The following FNIP2 variants were observed in gnomAD, a reference collection of about 807,000 sequenced individuals.
FNIP2 encodes folliculin-interacting protein 2.
In FNIP2, 32 loss-of-function variants were observed where a neutral mutation model predicts 108.7. That is an observed-to-expected ratio of 0.29 (90% confidence interval 0.22 to 0.40). The LOEUF (loss-of-function observed/expected upper bound fraction) is 0.40. Among genes scored for constraint, FNIP2 ranks in the 10% least tolerant of loss-of-function variants. The pLI is 1.00. For synonymous variants in FNIP2, 480 were observed against 496.7 expected, an observed-to-expected ratio of 0.97 and a Z score of 0.45; for missense variants, 1,202 against 1,381.6, an observed-to-expected ratio of 0.87 and a Z score of 2.06.
Position 158,868,977 on chromosome 4 carries a change from A to G in FNIP2, c.2341A>G (p.Asn781Asp), listed in dbSNP as rs1166532332. ...GFQENVCCPQNRLSEGDEGES... is the reference protein window; with the variant it reads ...GFQENVCCPQDRLSEGDEGES... The stretch of plus-strand genomic sequence containing the variant: ...TCAGGAGAATGTTTGCTGTCCTCAG[A>G]ATCGGCTTTCAGAGGGGGATGAAGG... The change falls in exon 13 of 17, where the codon AAT (asparagine) becomes GAT (aspartate). Residue 781 changes from asparagine to aspartate, a missense_variant. By Grantham distance (23) the Asn-to-Asp change is conservative (BLOSUM62 1). Around this residue, in one of 5 missense-constraint regions of FNIP2, gnomAD observed 878 missense variants for 990.3 expected, o/e 0.89. Coordinates refer to ENST00000264433, the MANE Select transcript of FNIP2 (RefSeq NM_020840.3). This position sits in a 1 kb window ranked among gnomAD's most constrained non-coding sequence, Gnocchi z 4.6. The G allele has an allele frequency of 6.2e-7, 1 of 1,613,890 alleles. No individual in the cohort carries two copies. The highest frequency in any genetic ancestry group is 8.5e-7 in the Non-Finnish European group (1 of 1,179,916).
intron 7 of FNIP2, among the ~76,000 whole-genome samples, chr4:158,847,832 C>T (rs1425985781): frequency 6.6e-6 from 1 of 152,132 alleles, no homozygotes; most frequent in East Asian, 1.9e-4. Context: ...AGCCCTTGGG[C>T]GTTAAGTGAA....
chr4:158,856,677 G>T (rs1446688493), intron 8 of FNIP2, among the ~76,000 whole-genome samples: 1 of 152,124 alleles, frequency 6.6e-6, no homozygotes, highest in East Asian at 1.9e-4. Context: ...TAGACTAGAA[G>T]ATAGGAATCC....
In FNIP2 at chr4:158,859,245, G is replaced by T; in HGVS notation, c.1046G>T (p.Ser349Ile). The change falls in exon 9 of 17, where the codon AGT becomes ATT. Residue 349 changes from serine to isoleucine, a missense_variant. By Grantham distance (142) the Ser-to-Ile change is moderately radical. Coordinates refer to ENST00000264433, the MANE Select transcript of FNIP2 (RefSeq NM_020840.3). ...LFESHMNRLK[S>I]AIEKAMISCR... ...GAATCTCACATGAACAGGCTGAAGA[G>T]TGCAATTGAAAAGGTAATAAGGATG... The T allele has an allele frequency of 1.2e-6, 2 of 1,607,174 alleles. No individual in the cohort carries two copies. The highest frequency in any genetic ancestry group is 1.7e-6 in the Non-Finnish European group (2 of 1,176,128).
chr4:158,770,421 A>G (rs1413505843), intron 1 of FNIP2, among the ~76,000 whole-genome samples: 1 of 152,224 alleles, frequency 6.6e-6, no homozygotes, highest in Non-Finnish European at 1.5e-5. Flanking sequence ...TAGACCCAGT[A>G]TAATAAACCT....
intron 1 of FNIP2, among the ~76,000 whole-genome samples, chr4:158,819,126 T>C (rs769943597): frequency 9.9e-5 from 15 of 152,230 alleles, no homozygotes; most frequent in Non-Finnish European, 2.1e-4. Flanking sequence ...ATACTGGATA[T>C]AGTTAATTTC....
chr4:158,897,302 A>T (rs1782782412), intron 16 of FNIP2, among the ~76,000 whole-genome samples: 1 of 152,204 alleles, frequency 6.6e-6, no homozygotes, highest in African/African-American at 2.4e-5. Flanking sequence ...CAGTAAACAT[A>T]CATGTGCGTG....
intron 8 of FNIP2, among the ~76,000 whole-genome samples, chr4:158,854,857 C>T (rs767826603): frequency 1.1e-4 from 16 of 152,054 alleles, no homozygotes; most frequent in Non-Finnish European, 1.3e-4. Context: ...AAGACCCCTC[C>T]GAAATGGGAG....
intron 8 of FNIP2, among the ~76,000 whole-genome samples, chr4:158,857,719 G>C (rs2126669693): frequency 6.6e-6 from 1 of 150,816 alleles, no homozygotes; most frequent in South Asian, 2.1e-4. Context: ...GAGGTGGAAG[G>C]ATCACTTGAG....
intron 1 of FNIP2, among the ~76,000 whole-genome samples, chr4:158,778,271 T>C (rs938553674): frequency 6.6e-6 from 1 of 152,206 alleles, no homozygotes; most frequent in Non-Finnish European, 1.5e-5. Context: ...TTATCTGAGG[T>C]TTCACTTTCT....
At position 158,907,166 on chromosome 4, in the gene FNIP2, G is replaced by A. The variant is rs1729913822; in HGVS notation, c.*2622G>A. On this transcript the variant is annotated 3_prime_UTR_variant, in exon 17 of 17. Transcript: ENST00000264433. ...AGTTTTATTTTTAATAAATTGGTAA[G>A]TGAAATGAATGTAAAGGTAATTGTG... is the stretch of plus-strand genomic sequence containing the variant. 6.6e-6 allele frequency: 1 copy of A among 152,332 alleles called. No individual in the cohort carries two copies. The allele number at this position is 152,332 out of a possible 1,614,324, so 9.4% of individuals were successfully genotyped here.
chr4:158,804,613 A>G (rs112702150), intron 1 of FNIP2, among the ~76,000 whole-genome samples: 4 of 152,100 alleles, frequency 2.6e-5, no homozygotes, highest in Non-Finnish European at 4.4e-5. Context: ...AGGTCTTGCT[A>G]TGTTGCCCAG....
rs1247767797 is a variant in FNIP2, at chr4:158,872,469, T to C, written c.2949+2000T>C. On this transcript the variant is annotated intron_variant, in intron 14 of 16. Coordinates refer to ENST00000264433, the MANE Select transcript of FNIP2 (RefSeq NM_020840.3). Reference sequence around the variant, plus strand: ...CACACTGTAGCTTTTCTCATTTCTTTATGCAATCACCCTGAGAGATCGAAA... The same window carrying C: ...CACACTGTAGCTTTTCTCATTTCTTCATGCAATCACCCTGAGAGATCGAAA... 4 of 985,482 alleles carry C rather than the reference T, an allele frequency of 4.1e-6. No homozygotes were observed. In the East Asian group the frequency reaches 3.4e-4, roughly 84 times the overall value. 61.0% of individuals were successfully genotyped at this position (985,482 alleles called of 1,614,324 possible).
At chr4:158,898,602 T>C (rs1281203905) in intron 16 of FNIP2, among the ~76,000 whole-genome samples, 2 of 152,236 alleles carry the variant, frequency 1.3e-5, no homozygotes, top group East Asian at 3.8e-4. Flanking sequence ...TTGTAGCAAT[T>C]GTGAATAGGA....
At position 158,821,858 on chromosome 4, in the gene FNIP2, C is replaced by T. The variant is rs1054100807; in HGVS notation, c.108-4058C>T. 4.6e-5 allele frequency among the ~76,000 whole-genome samples: 7 copies of T among 152,160 alleles called. 1 individual carries two copies. Among genetic ancestry groups the T allele is most frequent in the Middle Eastern group, 6.8e-3 (2 of 294 alleles). The stretch of plus-strand genomic sequence containing the variant: ...CTCACCGCACTTTGGGAGGCTGAGG[C>T]GGGCAGATTGCCTGAGCTCAGGAGT... On this transcript the variant is annotated intron_variant, in intron 1 of 16. Transcript: ENST00000264433.
rs532853556 is a variant in FNIP2, at chr4:158,859,142, A to G, written c.943A>G (p.Ile315Val). 9 of 1,613,914 alleles carry G rather than the reference A, an allele frequency of 5.6e-6. No individual in the cohort carries two copies. Among genetic ancestry groups the G allele is most frequent in the African/African-American group, 1.3e-5 (1 of 74,956 alleles). Residue 315 changes from isoleucine (I) to valine (V), a missense_variant, in exon 9 of 17, where the codon ATC (isoleucine) becomes GTC (valine). Transcript: ENST00000264433. ...MVRRKKIAIS[I>V]IFSLCEKEEA... The stretch of plus-strand genomic sequence containing the variant: ...TAGGAGGAAGAAAATTGCCATAAGC[A>G]TCATCTTTTCCCTATGTGAGAAAGA...
At chr4:158,827,544 T>TTCA (rs1778225791) in intron 2 of FNIP2, among the ~76,000 whole-genome samples, 1 of 152,166 alleles carries the variant, frequency 6.6e-6, no homozygotes, top group South Asian at 2.1e-4. Flanking sequence ...CTCTATTCAC[T>TTCA]ACACCAGGTG....
intron 1 of FNIP2, chr4:158,806,134 A>G (rs1489232365): frequency 1.7e-6 from 2 of 1,206,644 alleles, no homozygotes; most frequent in Non-Finnish European, 2.1e-6. Flanking sequence ...ATGATTGTTT[A>G]GAACTGCTGG....
intron 1 of FNIP2, among the ~76,000 whole-genome samples, chr4:158,794,327 A>AT (rs1225709864): frequency 9.1e-5 from 12 of 132,140 alleles, no homozygotes; most frequent in East Asian, 1.2e-3. Context: ...ATTAAAAAAA[A>AT]ATTTTTTTTG....
At chr4:158,900,678 A>G (rs1460264143) in intron 16 of FNIP2, among the ~76,000 whole-genome samples, 2 of 151,342 alleles carry the variant, frequency 1.3e-5, no homozygotes, top group Non-Finnish European at 2.9e-5. Context: ...TTCACTTTCC[A>G]TTTGCTTGTA....
Sources: gnomAD v4.1 joint callset for allele counts (sites outside exome capture counted in the v4.1 genomes callset) on GRCh38, gnomAD v4.1.1 for gene constraint, gnomAD v4.1.1 regional missense constraint, Gnocchi (gnomAD v3.1) non-coding constraint, MANE v1.5 for transcripts, NCBI Gene and HGNC (gene_info 2026-07-23, HGNC 2026-07-21) for gene names.